Variants in GABRB1 observed in about 807,000 individuals in gnomAD.
The protein encoded by GABRB1 is gamma-aminobutyric acid receptor subunit beta-1.
A neutral mutation model predicts 51.6 loss-of-function variants in GABRB1; 17 were observed. The ratio of observed to expected loss-of-function variants is 0.33; its 90% CI spans 0.23 to 0.49. The LOEUF (loss-of-function observed/expected upper bound fraction) is 0.49, where lower values mean the gene tolerates loss of function less well. GABRB1 is among the 20% of genes least tolerant of loss of function. The pLI, the probability that GABRB1 is intolerant of heterozygous loss-of-function variation, is 0.99. For missense variants in GABRB1, 410 were observed against 600.6 expected, an observed-to-expected ratio of 0.68 and a Z score of 3.32; for synonymous variants, 247 against 218.9, an observed-to-expected ratio of 1.13 and a Z score of -1.14.
intron 4 of GABRB1, among the ~76,000 whole-genome samples, chr4:47,280,121 G>A (rs1381765739): frequency 6.6e-6 from 1 of 151,550 alleles, no homozygotes; most frequent in Non-Finnish European, 1.5e-5. Flanking sequence ...ATGACCTTCT[G>A]TAGAGGTATG....
chr4:47,131,495 T>C (rs1716416154), intron 3 of GABRB1, among the ~76,000 whole-genome samples: 1 of 152,180 alleles, frequency 6.6e-6, no homozygotes, highest in Admixed American at 6.5e-5. Flanking sequence ...GCCATTGCTG[T>C]AGATTGTATT....
intron 4 of GABRB1, among the ~76,000 whole-genome samples, chr4:47,259,781 T>C (rs976498567): frequency 6.6e-6 from 1 of 152,200 alleles, no homozygotes; most frequent in African/African-American, 2.4e-5. Flanking sequence ...TGGTGATATA[T>C]ACATCACATT....
chr4:47,202,157 G>A (rs1719922940), intron 4 of GABRB1, among the ~76,000 whole-genome samples: 1 of 152,098 alleles, frequency 6.6e-6, no homozygotes, highest in East Asian at 1.9e-4. Context: ...ATCATCGGGG[G>A]CAGTTTCCCC....
At chr4:47,377,551 G>C (rs1727431910) in intron 5 of GABRB1, among the ~76,000 whole-genome samples, 1 of 152,054 alleles carries the variant, frequency 6.6e-6, no homozygotes, top group Non-Finnish European at 1.5e-5. Context: ...AAGAGCAAAA[G>C]AACAAAGCTT....
intron 4 of GABRB1, among the ~76,000 whole-genome samples, chr4:47,307,471 C>T (rs1328441653): frequency 6.6e-6 from 1 of 151,958 alleles, no homozygotes; most frequent in African/African-American, 2.4e-5. Flanking sequence ...TATGTGATCA[C>T]CTCTCAATTC....
chr4:47,213,804 G>A lies in GABRB1; in HGVS notation c.461+52335G>A, dbSNP rs192714356. ...ATAACAGATGTATGTAGTGATTTGTGTGGTTTAACAAAATTTCTTTTCTGA... is the reference window on the plus strand; with the variant it reads ...ATAACAGATGTATGTAGTGATTTGTATGGTTTAACAAAATTTCTTTTCTGA... On this transcript the variant is annotated intron_variant, in intron 4 of 8. Coordinates refer to ENST00000295454, the MANE Select transcript of GABRB1 (RefSeq NM_000812.4). Among the ~76,000 whole-genome samples the A allele has an allele frequency of 7.7e-4, 114 of 148,700 alleles. 1 individual carries two copies. The highest frequency in any genetic ancestry group is 2.3e-3 in the African/African-American group (94 of 40,768).
intron 3 of GABRB1, among the ~76,000 whole-genome samples, chr4:47,069,630 T>C (rs1296372075): frequency 6.6e-6 from 1 of 152,156 alleles, no homozygotes; most frequent in Non-Finnish European, 1.5e-5. Flanking sequence ...TAAAACACTT[T>C]TGTACTTTAA....
chr4:47,041,232 C>T (rs1300535500), intron 3 of GABRB1, among the ~76,000 whole-genome samples: 1 of 152,082 alleles, frequency 6.6e-6, no homozygotes, highest in Non-Finnish European at 1.5e-5. Context: ...AGGACCTTTG[C>T]ACAAGAATGA....
chr4:47,152,073 T>C (rs1717484471), intron 3 of GABRB1, among the ~76,000 whole-genome samples: 1 of 152,046 alleles, frequency 6.6e-6, no homozygotes, highest in East Asian at 1.9e-4. Flanking sequence ...CTCCTGGAAA[T>C]CTGTCAATTC....
chr4:47,306,258 GAA>G (rs34414124), intron 4 of GABRB1, among the ~76,000 whole-genome samples: 298 of 129,426 alleles, frequency 2.3e-3, no homozygotes, highest in African/African-American at 5.2e-3. Context: ...CAATTGACAA[GAA>G]AAAAAAAAAA....
At chr4:47,403,510 T>A (rs1728471216) in intron 6 of GABRB1, 49 bp from the exon 7 acceptor site, 1 of 1,613,250 alleles carries the variant, frequency 6.2e-7, no homozygotes, top group African/African-American at 1.3e-5. Context: ...AAGAAGATGG[T>A]TCCAACCAAA....
At chr4:47,192,931 A>G (rs1245881710) in intron 4 of GABRB1, among the ~76,000 whole-genome samples, 2 of 152,204 alleles carry the variant, frequency 1.3e-5, no homozygotes, top group East Asian at 3.9e-4. Context: ...GAGAAAACTG[A>G]CATATAAAGA....
intron 4 of GABRB1, among the ~76,000 whole-genome samples, chr4:47,204,349 T>C (rs1720027468): frequency 6.6e-6 from 1 of 152,144 alleles, no homozygotes; most frequent in African/African-American, 2.4e-5. Context: ...TGTTTTAACA[T>C]ATGCAGGGCC....
intron 3 of GABRB1, among the ~76,000 whole-genome samples, chr4:47,080,139 C>A (rs1300862880): frequency 1.3e-5 from 2 of 152,158 alleles, no homozygotes; most frequent in Admixed American, 6.5e-5. Context: ...TCTCTAATAT[C>A]AATCCAGAAA....
At chr4:47,098,216 C>T (rs1404882057) in intron 3 of GABRB1, among the ~76,000 whole-genome samples, 1 of 151,434 alleles carries the variant, frequency 6.6e-6, no homozygotes. Flanking sequence ...TTTCTTTCTT[C>T]CTTCTCTCTT....
intron 5 of GABRB1, among the ~76,000 whole-genome samples, chr4:47,401,909 T>C (rs1454247556): frequency 6.6e-6 from 1 of 152,156 alleles, no homozygotes; most frequent in Non-Finnish European, 1.5e-5. Flanking sequence ...TGGATTTTAT[T>C]GGCAGGTTTT....
chr4:47,366,489 TA>T (rs1224926707), intron 5 of GABRB1, among the ~76,000 whole-genome samples: 1 of 152,228 alleles, frequency 6.6e-6, no homozygotes, highest in Non-Finnish European at 1.5e-5. Flanking sequence ...CACTGGTTTT[TA>T]AAAGCCTCAG....
At chr4:47,066,821 C>T (rs1407553196) in intron 3 of GABRB1, among the ~76,000 whole-genome samples, 2 of 152,302 alleles carry the variant, frequency 1.3e-5, no homozygotes, top group East Asian at 3.9e-4. Context: ...TTGATATTTT[C>T]ACCTCCTCTC....
intron 3 of GABRB1, among the ~76,000 whole-genome samples, chr4:47,124,881 A>C (rs574348308): frequency 6.6e-5 from 10 of 152,258 alleles, no homozygotes; most frequent in African/African-American, 2.4e-4. Flanking sequence ...CAAGCAAACA[A>C]ATATGCATTA....
Sources: gnomAD v4.1 joint callset for allele counts (sites outside exome capture counted in the v4.1 genomes callset) on GRCh38, gnomAD v4.1.1 for gene constraint, MANE v1.5 for transcripts, NCBI Gene and HGNC (gene_info 2026-07-23, HGNC 2026-07-21) for gene names.